Variants in CLSTN2 observed in about 807,000 individuals in gnomAD.
CLSTN2 encodes the protein calsyntenin-2.
In CLSTN2, 48 loss-of-function variants were observed where a neutral mutation model predicts 101.2. The observed-to-expected ratio is 0.47, with a 90% CI of 0.38 to 0.60. CLSTN2 has a LOEUF of 0.60. Ranked by LOEUF, CLSTN2 falls within the 20% of genes least tolerant of loss-of-function variation. CLSTN2 has a pLI of 0.00. For missense variants in CLSTN2, 1,160 were observed against 1,238.2 expected, an observed-to-expected ratio of 0.94 and a Z score of 0.95; for synonymous variants, 481 against 463.6, an observed-to-expected ratio of 1.04 and a Z score of -0.48.
At chr3:140,048,214 G>A (rs545188636) in intron 1 of CLSTN2, among the ~76,000 whole-genome samples, 3 of 152,182 alleles carry the variant, frequency 2.0e-5, no homozygotes, top group South Asian at 4.2e-4. Flanking sequence ...TTAAATGCAC[G>A]GCTATTAAAA....
At chr3:140,399,712 T>A (rs938678767) in intron 2 of CLSTN2, among the ~76,000 whole-genome samples, 2 of 152,202 alleles carry the variant, frequency 1.3e-5, no homozygotes, top group Non-Finnish European at 2.9e-5. Context: ...CATTTTTTTC[T>A]TTTTCAACTT....
intron 1 of CLSTN2, among the ~76,000 whole-genome samples, chr3:139,975,782 T>G (rs1935806271): frequency 6.6e-6 from 1 of 152,132 alleles, no homozygotes; most frequent in Non-Finnish European, 1.5e-5. Flanking sequence ...ACCACCTCTC[T>G]GCAGTGAATG....
chr3:140,490,815 T>C (rs1297883202), intron 8 of CLSTN2, among the ~76,000 whole-genome samples: 1 of 152,054 alleles, frequency 6.6e-6, no homozygotes, highest in Non-Finnish European at 1.5e-5. Flanking sequence ...TGCCCAGCTG[T>C]GATGTCTAGT....
intron 2 of CLSTN2, among the ~76,000 whole-genome samples, chr3:140,346,896 C>T (rs544032590): frequency 8.5e-4 from 129 of 152,292 alleles, no homozygotes; most frequent in African/African-American, 2.9e-3. Flanking sequence ...AATCCACTTA[C>T]CTTACCTAAA....
At chr3:140,124,657 A>G (rs2107801002) in intron 1 of CLSTN2, among the ~76,000 whole-genome samples, 1 of 152,316 alleles carries the variant, frequency 6.6e-6, no homozygotes, top group African/African-American at 2.4e-5. Flanking sequence ...ATATGGGGGC[A>G]GCCATCAGAG....
At chr3:140,252,836 G>A (rs967009740) in intron 2 of CLSTN2, among the ~76,000 whole-genome samples, 2 of 152,050 alleles carry the variant, frequency 1.3e-5, no homozygotes, top group Non-Finnish European at 2.9e-5. Flanking sequence ...GAAAGGATAG[G>A]TGGAGCAGCT....
At position 140,551,123 on chromosome 3, in the gene CLSTN2, T is replaced by G. The variant is rs1178667126; in HGVS notation, c.1674+4442T>G. Among the ~76,000 whole-genome samples the G allele has an allele frequency of 2.6e-5, 4 of 152,326 alleles. No individual in the cohort carries two copies. The East Asian group carries it at 7.7e-4, about 29-fold the overall frequency. ...TTTCCTCCATATCAGCAACTCAGAT[T>G]AGAAGACATTCTTGAAAATCATTAA... On this transcript the variant is annotated intron_variant, in intron 10 of 16. Coordinates refer to ENST00000458420, the MANE Select transcript of CLSTN2 (RefSeq NM_022131.3).
intron 1 of CLSTN2, among the ~76,000 whole-genome samples, chr3:139,952,449 G>T (rs772428443): frequency 2.0e-4 from 9 of 45,192 alleles, no homozygotes; most frequent in Non-Finnish European, 5.7e-4. Flanking sequence ...CTCCGAGACT[G>T]CTTTGGTTTT....
chr3:140,153,300 AG>A (rs1320426589), intron 1 of CLSTN2, among the ~76,000 whole-genome samples: 1 of 152,258 alleles, frequency 6.6e-6, no homozygotes, highest in Non-Finnish European at 1.5e-5. Flanking sequence ...CAATTAAAAA[AG>A]CAAATTGTCC....
At chr3:140,509,861 A>G (rs913508755) in intron 8 of CLSTN2, among the ~76,000 whole-genome samples, 2 of 152,252 alleles carry the variant, frequency 1.3e-5, no homozygotes, top group African/African-American at 2.4e-5. Flanking sequence ...TTTGAATTAG[A>G]TAAGAGACTA....
chr3:140,287,137 G>A (rs2086902513), intron 2 of CLSTN2, among the ~76,000 whole-genome samples: 1 of 152,140 alleles, frequency 6.6e-6, no homozygotes, highest in Non-Finnish European at 1.5e-5. Flanking sequence ...GATGTTGTCT[G>A]ATTTCTTAAG....
intron 2 of CLSTN2, among the ~76,000 whole-genome samples, chr3:140,180,090 T>C (rs746456108): frequency 2.0e-5 from 3 of 152,234 alleles, no homozygotes; most frequent in Non-Finnish European, 4.4e-5. Flanking sequence ...TTTGTTGTTT[T>C]GATGAAATTT....
At chr3:140,541,822 T>C (rs1935485118) in intron 9 of CLSTN2, among the ~76,000 whole-genome samples, 1 of 152,142 alleles carries the variant, frequency 6.6e-6, no homozygotes, top group Non-Finnish European at 1.5e-5. Context: ...TATTCTGTTT[T>C]TCCCCCAAAG....
At chr3:140,480,442 A>G (rs1055940212) in intron 8 of CLSTN2, among the ~76,000 whole-genome samples, 71 of 152,254 alleles carry the variant, frequency 4.7e-4, no homozygotes, top group African/African-American at 1.6e-3. Context: ...ATGATTTATA[A>G]TCCTTTGGGT....
In CLSTN2 at chr3:140,014,194, G is replaced by T. The variant is rs372771057; in HGVS notation, c.109+78711G>T. Among the ~76,000 whole-genome samples, 8 of 152,232 alleles carry T rather than the reference G, an allele frequency of 5.3e-5. No homozygotes were observed. In the East Asian group the frequency reaches 1.5e-3, roughly 29 times the overall value. ...GTAATGTCGAGAGCCTGTGATGGCA[G>T]GGAGGATGCAATTTTGTTTTATTTT... On this transcript the variant is annotated intron_variant, in intron 1 of 16. Coordinates refer to ENST00000458420, the MANE Select transcript of CLSTN2 (RefSeq NM_022131.3).
chr3:140,298,426 A>G, intron 2 of CLSTN2, among the ~76,000 whole-genome samples: 1 of 152,236 alleles, frequency 6.6e-6, no homozygotes, highest in Admixed American at 6.5e-5. Context: ...ATCATAATTT[A>G]TGTTGGCCTA....
At chr3:140,445,746 G>A (rs2108006971) in intron 5 of CLSTN2, among the ~76,000 whole-genome samples, 1 of 152,198 alleles carries the variant, frequency 6.6e-6, no homozygotes, top group South Asian at 2.1e-4. Context: ...AGCAATCAAG[G>A]TTAGATGTCT....
intron 2 of CLSTN2, among the ~76,000 whole-genome samples, chr3:140,214,560 G>A (rs145426359): frequency 7.2e-4 from 109 of 152,282 alleles, no homozygotes; most frequent in Admixed American, 2.1e-3. Context: ...GAGCCAGAGT[G>A]TGCATCATCT....
At chr3:140,074,262 T>C (rs903257493) in intron 1 of CLSTN2, among the ~76,000 whole-genome samples, 2 of 152,164 alleles carry the variant, frequency 1.3e-5, no homozygotes, top group African/African-American at 4.8e-5. Flanking sequence ...AGCACTTGAG[T>C]ATCTGAGAGA....
Sources: gnomAD v4.1 joint callset for allele counts (sites outside exome capture counted in the v4.1 genomes callset) on GRCh38, gnomAD v4.1.1 for gene constraint, MANE v1.5 for transcripts, NCBI Gene and HGNC (gene_info 2026-07-23, HGNC 2026-07-21) for gene names.